OPCML: variants seen among roughly 807,000 people sequenced by gnomAD.
OPCML encodes the protein opioid binding protein/cell adhesion molecule like.
Under a neutral mutation model 37.8 loss-of-function variants are expected in OPCML, and 13 were observed. The ratio of observed to expected loss-of-function variants is 0.34; its 90% CI spans 0.22 to 0.55. The LOEUF (loss-of-function observed/expected upper bound fraction) is 0.55, where lower values mean the gene tolerates loss of function less well. Among genes scored for constraint, OPCML ranks in the 20% least tolerant of loss-of-function variants. The pLI, the probability that OPCML is intolerant of heterozygous loss-of-function variation, is 0.91. For missense variants in OPCML, 341 were observed against 435.6 expected (o/e 0.78, Z 1.93); for synonymous variants, 176 against 168.8 (o/e 1.04, Z -0.33).
chr11:133,103,421 T>C (rs1469014610), intron 1 of OPCML, among the ~76,000 whole-genome samples: 2 of 152,182 alleles, frequency 1.3e-5, no homozygotes, highest in African/African-American at 4.8e-5. Flanking sequence ...TAAAGATCAA[T>C]AGCCTGAACA....
intron 1 of OPCML, among the ~76,000 whole-genome samples, chr11:133,375,050 T>C (rs1249812480): frequency 6.6e-6 from 1 of 152,180 alleles, no homozygotes; most frequent in Non-Finnish European, 1.5e-5. Context: ...TTTGTCTGGG[T>C]ATCTCCTGCT....
chr11:132,446,633 A>G (rs1243986522), intron 4 of OPCML, among the ~76,000 whole-genome samples: 1 of 152,148 alleles, frequency 6.6e-6, no homozygotes, highest in Non-Finnish European at 1.5e-5. Flanking sequence ...AAAAGTTTTT[A>G]TTTATTTTAC....
At chr11:133,306,550 T>C (rs2186825) in intron 1 of OPCML, among the ~76,000 whole-genome samples, 96,512 of 152,008 alleles carry the variant, frequency 0.63, 31,894 homozygotes, top group East Asian at 0.85. Flanking sequence ...GCAGTATATA[T>C]GTGTGAGATG....
chr11:133,438,125 A>G (rs1034952451), intron 1 of OPCML, among the ~76,000 whole-genome samples: 5 of 152,232 alleles, frequency 3.3e-5, no homozygotes, highest in Non-Finnish European at 7.3e-5. Context: ...TAAAATAACC[A>G]TCTGGAACTA....
chr11:133,208,759 A>G lies in OPCML; in HGVS notation c.62-265749T>C, dbSNP rs1039099853. ...ACTGAAGCACACGTTATCTAAAGCA[A>G]TGGCCCTTCTCTAGGACCAAAGGGA... On this transcript the variant is annotated intron_variant, in intron 1 of 7. Coordinates refer to ENST00000524381, the MANE Select transcript of OPCML (RefSeq NM_001012393.5). This position sits in a 1 kb window ranked among gnomAD's most constrained non-coding sequence, Gnocchi z 8.9. Among the ~76,000 whole-genome samples, 1 of 152,198 alleles carries G rather than the reference A, an allele frequency of 6.6e-6. No individual in the cohort carries two copies. Among genetic ancestry groups the G allele is most frequent in the African/African-American group, 2.4e-5 (1 of 41,450 alleles).
chr11:133,042,972 C>T (rs747437434), intron 1 of OPCML, among the ~76,000 whole-genome samples: 5 of 152,188 alleles, frequency 3.3e-5, no homozygotes, highest in Non-Finnish European at 7.3e-5. Context: ...CAGTTCCACA[C>T]TGAAAAGATT....
rs200367875 is a variant in OPCML at position 132,996,661 on chromosome 11, A to AT, written c.62-53652dup. Among the ~76,000 whole-genome samples, 324 of 148,652 alleles carry AT rather than the reference A, an allele frequency of 2.2e-3. 3 individuals are homozygous for AT. Among genetic ancestry groups the AT allele is most frequent in the Admixed American group, 3.9e-3 (58 of 14,884 alleles). On this transcript the variant is annotated intron_variant, in intron 1 of 7. Coordinates refer to ENST00000524381, the MANE Select transcript of OPCML (RefSeq NM_001012393.5). ...ATACTTGACTCATAACTTTCTATGT[A>AT]TTTTTTTTTCCCCGGAGCCACAAAA...
chr11:133,495,504 G>A (rs1463532379), intron 1 of OPCML, among the ~76,000 whole-genome samples: 1 of 152,218 alleles, frequency 6.6e-6, no homozygotes, highest in East Asian at 1.9e-4. Flanking sequence ...GGCTGTTTTA[G>A]TTTACTTTCC....
chr11:132,887,856 T>G (rs1943483454), intron 2 of OPCML, among the ~76,000 whole-genome samples: 1 of 152,230 alleles, frequency 6.6e-6, no homozygotes. Context: ...CTGCCTAAGC[T>G]GTGCCATGTG....
chr11:132,608,939 G>A (rs1037881059), intron 3 of OPCML, among the ~76,000 whole-genome samples: 1 of 151,678 alleles, frequency 6.6e-6, no homozygotes, highest in African/African-American at 2.4e-5. Flanking sequence ...TCTTTTCATT[G>A]CCACCACTTT....
At chr11:133,188,825 A>G (rs1177675933) in intron 1 of OPCML, among the ~76,000 whole-genome samples, 3 of 151,174 alleles carry the variant, frequency 2.0e-5, no homozygotes, top group African/African-American at 7.3e-5. Flanking sequence ...TAGTATATGT[A>G]CCCTGAATGC....
At chr11:132,824,799 A>G (rs7104976) in intron 2 of OPCML, among the ~76,000 whole-genome samples, 16,283 of 152,168 alleles carry the variant, frequency 0.11, 973 homozygotes, top group Non-Finnish European at 0.14. Context: ...TGTGATTGTC[A>G]TTCCTCCCTC....
intron 1 of OPCML, among the ~76,000 whole-genome samples, chr11:133,402,867 A>C (rs1477016244): frequency 6.6e-6 from 1 of 152,138 alleles, no homozygotes; most frequent in East Asian, 1.9e-4. Flanking sequence ...GGCCAAACCA[A>C]GGTAGGAGAT....
chr11:132,734,076 A>C (rs966991414), intron 2 of OPCML, among the ~76,000 whole-genome samples: 1 of 152,212 alleles, frequency 6.6e-6, no homozygotes, highest in African/African-American at 2.4e-5. Flanking sequence ...GTTTTTATGA[A>C]GACTAGATAC....
At chr11:132,789,451 G>A (rs1034456881) in intron 2 of OPCML, among the ~76,000 whole-genome samples, 9 of 152,178 alleles carry the variant, frequency 5.9e-5, no homozygotes, top group Non-Finnish European at 1.0e-4. Flanking sequence ...TTGAAAATAA[G>A]AAGAGGCTGA....
chr11:133,238,016 T>C (rs1033686066), intron 1 of OPCML, among the ~76,000 whole-genome samples: 4 of 152,238 alleles, frequency 2.6e-5, no homozygotes, highest in African/African-American at 9.6e-5. Flanking sequence ...ACTGTGACAT[T>C]GCGGCTAGTA....
chr11:133,267,321 T>C (rs1356875664), intron 1 of OPCML, among the ~76,000 whole-genome samples: 1 of 152,144 alleles, frequency 6.6e-6, no homozygotes, highest in Non-Finnish European at 1.5e-5. Flanking sequence ...TGGTGTAAAA[T>C]GGAAATGATT....
At chr11:133,186,432 G>T (rs1001323644) in intron 1 of OPCML, among the ~76,000 whole-genome samples, 2 of 151,664 alleles carry the variant, frequency 1.3e-5, no homozygotes, top group African/African-American at 2.4e-5. Flanking sequence ...AGCTGCCTCT[G>T]CTGGCCTCTG....
At chr11:132,498,041 T>C (rs1177374237) in intron 4 of OPCML, among the ~76,000 whole-genome samples, 1 of 152,216 alleles carries the variant, frequency 6.6e-6, no homozygotes, top group Admixed American at 6.5e-5. Flanking sequence ...CGATAAATTA[T>C]TTAGAAAACA....
Sources: gnomAD v4.1 joint callset for allele counts (sites outside exome capture counted in the v4.1 genomes callset) on GRCh38, gnomAD v4.1.1 for gene constraint, Gnocchi (gnomAD v3.1) non-coding constraint, MANE v1.5 for transcripts, NCBI Gene and HGNC (gene_info 2026-07-23, HGNC 2026-07-21) for gene names.